MED13: variants seen among roughly 807,000 people sequenced by gnomAD.
MED13 encodes the protein mediator of RNA polymerase II transcription subunit 13.
Under a neutral mutation model 225.2 loss-of-function variants are expected in MED13, and 23 were observed. The observed-to-expected ratio is 0.10, with a 90% CI of 0.07 to 0.14. The LOEUF is 0.14. MED13 is among the 10% of genes least tolerant of loss of function. MED13 has a pLI of 1.00. For missense variants in MED13, 2,197 were observed against 2,594.5 expected (o/e 0.85, Z 3.33); for synonymous variants, 942 against 889.2 (o/e 1.06, Z -1.06).
At chr17:62,059,903 G>A (rs940363697) in intron 2 of MED13, among the ~76,000 whole-genome samples, 3 of 152,104 alleles carry the variant, frequency 2.0e-5, no homozygotes, top group Admixed American at 6.5e-5. Context: ...AACTAAAACA[G>A]TACAGGACAA....
In MED13 at chr17:61,975,154, T is replaced by C. The variant is rs527697959; in HGVS notation, c.3806-2266A>G. Among the ~76,000 whole-genome samples the C allele has an allele frequency of 4.9e-5, 7 of 143,602 alleles. No homozygotes were observed. The South Asian group carries it at 1.6e-3, about 32-fold the overall frequency. 94.2% of individuals were successfully genotyped at this position (143,602 alleles called of 152,430 possible). ...CCCCGTATCTTAAAAAAAAAAAAAA[T>C]GAAAAGACAATCCAGAGTACAGGAG... On this transcript the variant is annotated intron_variant, in intron 16 of 29. Coordinates refer to ENST00000397786, the MANE Select transcript of MED13 (RefSeq NM_005121.3).
At chr17:62,015,551 C>T (rs1401300632) in intron 8 of MED13, among the ~76,000 whole-genome samples, 2 of 151,734 alleles carry the variant, frequency 1.3e-5, no homozygotes, top group Admixed American at 6.6e-5. Flanking sequence ...ATTTTATATT[C>T]TTGTGTACTG....
intron 8 of MED13, among the ~76,000 whole-genome samples, chr17:62,011,943 A>ATGG (rs2080513344): frequency 6.6e-6 from 1 of 152,318 alleles, no homozygotes; most frequent in East Asian, 1.9e-4. Context: ...TAGGCTGGGC[A>ATGG]TGGTGGCTGA....
intron 16 of MED13, among the ~76,000 whole-genome samples, chr17:61,977,324 A>G (rs1421539511): frequency 6.6e-6 from 1 of 152,234 alleles, no homozygotes; most frequent in Non-Finnish European, 1.5e-5. Flanking sequence ...ATCCACATAA[A>G]TATCTGGAAA....
At chr17:61,977,653 G>A (rs563110690) in intron 16 of MED13, among the ~76,000 whole-genome samples, 7 of 152,250 alleles carry the variant, frequency 4.6e-5, no homozygotes, top group East Asian at 1.9e-4. Context: ...GGGTTTTACC[G>A]TGTTAGCCAG....
At chr17:61,983,309 C>T (rs2080220919) in intron 15 of MED13, among the ~76,000 whole-genome samples, 195 bp from the exon 16 acceptor site, 1 of 152,114 alleles carries the variant, frequency 6.6e-6, no homozygotes, top group Non-Finnish European at 1.5e-5. Context: ...TTGTTGTTGA[C>T]TAAGGATCAA....
intron 3 of MED13, among the ~76,000 whole-genome samples, chr17:62,042,295 G>A (rs1402018304): frequency 6.6e-6 from 1 of 152,024 alleles, no homozygotes; most frequent in Non-Finnish European, 1.5e-5. Flanking sequence ...CAGGCACGGG[G>A]GCTGATGCCT....
chr17:61,952,043 G>A (rs1276822672), intron 27 of MED13, among the ~76,000 whole-genome samples: 2 of 151,976 alleles, frequency 1.3e-5, no homozygotes, highest in Admixed American at 6.6e-5. Flanking sequence ...GAGTACAGAC[G>A]CCTGCCACAC....
rs1475251478 is a variant in MED13, at chr17:61,965,393, G to T, written c.4457C>A (p.Ser1486Tyr). ...TGTCATCTGAGGTGGAGTAATCAAA[G>T]ACTGACTTGTAGGGGCAACTAAATT... ...QPNLVAPTSQSLITPPQMTNT... is the reference protein window; with the variant it reads ...QPNLVAPTSQYLITPPQMTNT... Residue 1486 changes from serine to tyrosine, a missense_variant, in exon 20 of 30, where the codon TCT becomes TAT. By Grantham distance (144) the Ser-to-Tyr change is moderately radical. This residue lies in a region of MED13 where 457 missense variants were observed against 442.2 expected (regional missense o/e 1.03). Coordinates refer to ENST00000397786, the MANE Select transcript of MED13 (RefSeq NM_005121.3). The T allele has an allele frequency of 6.2e-7, 1 of 1,614,128 alleles. No individual in the cohort carries two copies. Among genetic ancestry groups the T allele is most frequent in the Non-Finnish European group, 8.5e-7 (1 of 1,179,960 alleles).
At chr17:61,992,389 A>G (rs1250628284) in intron 11 of MED13, 151 bp downstream of exon 11, 1 of 459,052 alleles carries the variant, frequency 2.2e-6, no homozygotes, top group Non-Finnish European at 3.9e-6. Flanking sequence ...CCAATAAAAG[A>G]TAACCAATAA....
At chr17:61,952,240 T>C (rs2079902884) in intron 27 of MED13, among the ~76,000 whole-genome samples, 1 of 152,158 alleles carries the variant, frequency 6.6e-6, no homozygotes, top group Non-Finnish European at 1.5e-5. Flanking sequence ...TGAAGCCCAG[T>C]TCGTTTTTAC....
intron 8 of MED13, among the ~76,000 whole-genome samples, chr17:62,026,325 G>A (rs1415214836): frequency 6.6e-6 from 1 of 152,056 alleles, no homozygotes; most frequent in Non-Finnish European, 1.5e-5. Context: ...TAGAAAGCGT[G>A]ACAGTTTTGT....
intron 9 of MED13, among the ~76,000 whole-genome samples, chr17:62,008,317 CAAAAAAAAAA>C (rs766909961): frequency 6.9e-4 from 23 of 33,228 alleles, no homozygotes; most frequent in Non-Finnish European, 9.2e-4. Flanking sequence ...GGCTCTGTCT[CAAAAAAAAAA>C]AAAAAAAAAA....
At chr17:62,037,718 G>A (rs1221195360) in intron 3 of MED13, among the ~76,000 whole-genome samples, 1 of 151,100 alleles carries the variant, frequency 6.6e-6, no homozygotes, top group African/African-American at 2.4e-5. Flanking sequence ...ACTTCGGGAG[G>A]GCAAGGCAGG....
At position 61,996,310 on chromosome 17, in the gene MED13, C is replaced by T. The variant is rs78324202; in HGVS notation, c.1968-945G>A. ...TAAGACATGTTTAGACTCTCAAATT[C>T]CTATTCTCTCGGGTTTACAAAGCTA... is the stretch of plus-strand genomic sequence containing the variant. On this transcript the variant is annotated intron_variant, in intron 9 of 29. Coordinates refer to ENST00000397786, the MANE Select transcript of MED13 (RefSeq NM_005121.3). Among the ~76,000 whole-genome samples, 699 of 152,254 alleles carry T rather than the reference C, an allele frequency of 4.6e-3. 2 individuals carry two copies. The highest frequency in any genetic ancestry group is 0.014 in the Middle Eastern group (4 of 294).
chr17:62,057,580 C>T (rs901141770), intron 2 of MED13, among the ~76,000 whole-genome samples: 2 of 152,200 alleles, frequency 1.3e-5, no homozygotes, highest in Non-Finnish European at 2.9e-5. Context: ...GACTAGATTC[C>T]TATGCCTGGC....
At chr17:62,045,688 G>T (rs1342047815) in intron 3 of MED13, among the ~76,000 whole-genome samples, 1 of 152,170 alleles carries the variant, frequency 6.6e-6, no homozygotes, top group Non-Finnish European at 1.5e-5. Context: ...CTCAATGCCT[G>T]TCATGTGATC....
At chr17:62,013,671 A>T (rs1490422424) in intron 8 of MED13, among the ~76,000 whole-genome samples, 1 of 152,226 alleles carries the variant, frequency 6.6e-6, no homozygotes, top group Non-Finnish European at 1.5e-5. Context: ...TACCCAATGC[A>T]ATAAGGCAAG....
At chr17:62,049,552 G>A (rs912601161) in intron 3 of MED13, among the ~76,000 whole-genome samples, 2 of 152,026 alleles carry the variant, frequency 1.3e-5, no homozygotes, top group African/African-American at 2.4e-5. Flanking sequence ...AGTACAGGCA[G>A]GTGTTTACTA....
Sources: gnomAD v4.1 joint callset for allele counts (sites outside exome capture counted in the v4.1 genomes callset) on GRCh38, gnomAD v4.1.1 for gene constraint, gnomAD v4.1.1 regional missense constraint, MANE v1.5 for transcripts, NCBI Gene and HGNC (gene_info 2026-07-23, HGNC 2026-07-21) for gene names.